Variants in FMN1 observed in about 807,000 individuals in gnomAD.
The protein encoded by FMN1 is formin 1, also known as formin-1.
A neutral mutation model predicts 132.4 loss-of-function variants in FMN1; 110 were observed. The observed-to-expected ratio is 0.83, with a 90% CI of 0.71 to 0.97. The LOEUF (loss-of-function observed/expected upper bound fraction) is 0.97, where lower values mean the gene tolerates loss of function less well. Ranked by LOEUF, FMN1 falls within the 50% of genes least tolerant of loss-of-function variation. FMN1 has a pLI of 0.00. For missense variants in FMN1, 1,792 were observed against 1,705.3 expected, an observed-to-expected ratio of 1.05 and a Z score of -0.90; for synonymous variants, 722 against 651.7, an observed-to-expected ratio of 1.11 and a Z score of -1.64.
intron 17 of FMN1, among the ~76,000 whole-genome samples, chr15:32,806,890 C>T (rs940706621): frequency 6.6e-6 from 1 of 152,178 alleles, no homozygotes; most frequent in Non-Finnish European, 1.5e-5. Flanking sequence ...CACACACACC[C>T]TCTACCCCTA....
intron 17 of FMN1, among the ~76,000 whole-genome samples, chr15:32,852,235 C>T (rs1185598513): frequency 6.6e-6 from 1 of 152,180 alleles, no homozygotes; most frequent in Non-Finnish European, 1.5e-5. Context: ...TATCAGTATC[C>T]AACCAGTTAT....
At chr15:33,141,736 G>A (rs538245186) in intron 4 of FMN1, among the ~76,000 whole-genome samples, 15 of 152,238 alleles carry the variant, frequency 9.9e-5, no homozygotes, top group Admixed American at 7.2e-4. Context: ...GTAATCTTGG[G>A]AGTACCTCCC....
At position 33,154,196 on chromosome 15, in the gene FMN1, A is replaced by G; in HGVS notation, c.719T>C (p.Ile240Thr). The change falls in exon 4 of 21, where the codon ATT becomes ACT. Residue 240 changes from isoleucine to threonine, a missense_variant. By Grantham distance (89) the Ile-to-Thr change is moderately conservative. Transcript: ENST00000616417. ...AAGGTCTGTGTCTGGCGTCTTGGGA[A>G]TATCTGGGGGGCAGCTCTCTCTCCT... ...LQRRESCPPD[I>T]PKTPDTDLGF... 6.5e-7 allele frequency: 1 copy of G among 1,536,300 alleles called. No individual in the cohort carries two copies. Among genetic ancestry groups the G allele is most frequent in the Non-Finnish European group, 8.7e-7 (1 of 1,146,968 alleles).
chr15:33,032,300 G>A (rs776347395), intron 6 of FMN1, among the ~76,000 whole-genome samples: 10 of 152,008 alleles, frequency 6.6e-5, no homozygotes, highest in African/African-American at 1.7e-4. Context: ...AATAAATTCT[G>A]GAATATGTTC....
At chr15:32,840,830 A>G (rs1033766381) in intron 17 of FMN1, among the ~76,000 whole-genome samples, 2 of 152,220 alleles carry the variant, frequency 1.3e-5, no homozygotes, top group Non-Finnish European at 2.9e-5. Flanking sequence ...ACCGAAAAGA[A>G]AATGTGCACA....
At chr15:32,843,825 C>T (rs2058797546) in intron 17 of FMN1, among the ~76,000 whole-genome samples, 1 of 152,206 alleles carries the variant, frequency 6.6e-6, no homozygotes, top group Non-Finnish European at 1.5e-5. Context: ...TGGCACTTCA[C>T]TTCTAAATGT....
At chr15:33,054,680 G>C (rs1353143307) in intron 6 of FMN1, among the ~76,000 whole-genome samples, 2 of 152,166 alleles carry the variant, frequency 1.3e-5, no homozygotes, top group Admixed American at 1.3e-4. Context: ...ACATCAAAAA[G>C]GAGTTGAAGA....
intron 4 of FMN1, among the ~76,000 whole-genome samples, chr15:33,113,800 G>A (rs919315266): frequency 6.6e-6 from 1 of 152,116 alleles, no homozygotes; most frequent in Non-Finnish European, 1.5e-5. Flanking sequence ...CCTTCCAGAC[G>A]GTCTTACAGC....
At chr15:33,164,367 T>C (rs1965014316) in intron 3 of FMN1, among the ~76,000 whole-genome samples, 1 of 152,210 alleles carries the variant, frequency 6.6e-6, no homozygotes, top group Non-Finnish European at 1.5e-5. Flanking sequence ...GGCAAATCTC[T>C]ACAAAAATGT....
At chr15:33,082,972 TTCAG>T (rs1358690000) in intron 5 of FMN1, among the ~76,000 whole-genome samples, 3 of 152,222 alleles carry the variant, frequency 2.0e-5, no homozygotes, top group African/African-American at 7.2e-5. Flanking sequence ...GAGCTTTGGG[TTCAG>T]TCTTTCCAGA....
intron 16 of FMN1, among the ~76,000 whole-genome samples, chr15:32,868,298 TAC>T (rs1425958035): frequency 6.6e-6 from 1 of 152,232 alleles, no homozygotes; most frequent in Non-Finnish European, 1.5e-5. Flanking sequence ...GAATACTGAA[TAC>T]AGTTACAGTA....
At chr15:32,849,464 C>CT (rs1185165974) in intron 17 of FMN1, among the ~76,000 whole-genome samples, 6 of 150,698 alleles carry the variant, frequency 4.0e-5, no homozygotes, top group South Asian at 2.1e-4. Flanking sequence ...TACATACAGA[C>CT]TTTTTTTTTA....
intron 16 of FMN1, among the ~76,000 whole-genome samples, chr15:32,874,084 C>A (rs567525259): frequency 7.0e-6 from 1 of 143,818 alleles, no homozygotes; most frequent in African/African-American, 2.6e-5. Flanking sequence ...TGCAATGGCG[C>A]GATCTCGGCT....
chr15:33,024,757 T>C (rs1401988593), intron 6 of FMN1, among the ~76,000 whole-genome samples: 3 of 152,028 alleles, frequency 2.0e-5, no homozygotes, highest in Admixed American at 6.6e-5. Context: ...TTAATACAAA[T>C]ATTAAAAAGA....
chr15:32,887,306 A>G (rs1021599787), intron 16 of FMN1, among the ~76,000 whole-genome samples: 3 of 152,162 alleles, frequency 2.0e-5, no homozygotes, highest in African/African-American at 4.8e-5. Flanking sequence ...CCATTTCCAC[A>G]TTAACACGCT....
intron 6 of FMN1, among the ~76,000 whole-genome samples, chr15:33,020,638 C>CAAAAAAA (rs3081420): frequency 7.3e-6 from 1 of 136,424 alleles, no homozygotes; most frequent in Non-Finnish European, 1.6e-5. Context: ...AACTCCGTCT[C>CAAAAAAA]AAAAAAAAAA....
intron 17 of FMN1, among the ~76,000 whole-genome samples, chr15:32,820,902 T>C (rs922810273): frequency 1.3e-5 from 2 of 152,146 alleles, no homozygotes; most frequent in African/African-American, 4.8e-5. Context: ...GTCAAATTCA[T>C]AAATACTCTT....
intron 17 of FMN1, among the ~76,000 whole-genome samples, chr15:32,808,327 G>GTGTCCTGTGTTTCAGTCTCCTGCTC (rs2057753531): frequency 6.6e-6 from 1 of 152,230 alleles, no homozygotes; most frequent in African/African-American, 2.4e-5. Flanking sequence ...GCCAATCACA[G>GTGTCCTGTGTTTCAGTCTCCTGCTC]TGTCCTGTGT....
intron 3 of FMN1, among the ~76,000 whole-genome samples, chr15:33,179,738 T>C (rs1267127893): frequency 6.6e-6 from 1 of 152,230 alleles, no homozygotes; most frequent in East Asian, 1.9e-4. Context: ...AATCTGTCCA[T>C]TGAGTGAATC....
Sources: gnomAD v4.1 joint callset for allele counts (sites outside exome capture counted in the v4.1 genomes callset) on GRCh38, gnomAD v4.1.1 for gene constraint, MANE v1.5 for transcripts, NCBI Gene and HGNC (gene_info 2026-07-23, HGNC 2026-07-21) for gene names.